SSBP2: variants seen among roughly 807,000 people sequenced by gnomAD.
SSBP2 encodes single-stranded DNA-binding protein 2.
Under a neutral mutation model 61.8 loss-of-function variants are expected in SSBP2, and 17 were observed. The ratio of observed to expected loss-of-function variants is 0.28; its 90% CI spans 0.19 to 0.41. SSBP2 has a LOEUF of 0.41. Among genes scored for constraint, SSBP2 ranks in the 10% least tolerant of loss-of-function variants. The probability of loss-of-function intolerance (pLI) is 1.00; values close to 1 mark genes in which losing one functional copy is unlikely to be tolerated. For missense variants in SSBP2, 310 were observed against 458.7 expected (o/e 0.68, Z 2.96); for synonymous variants, 139 against 141.3 (o/e 0.98, Z 0.12).
chr5:81,460,389 A>C (rs1580740814), intron 10 of SSBP2, among the ~76,000 whole-genome samples: 1 of 152,188 alleles, frequency 6.6e-6, no homozygotes, highest in South Asian at 2.1e-4. Context: ...AAGAAGGAAA[A>C]ACATCTCCAG....
intron 4 of SSBP2, among the ~76,000 whole-genome samples, chr5:81,516,738 G>C (rs1769050576): frequency 6.6e-6 from 1 of 152,002 alleles, no homozygotes; most frequent in Non-Finnish European, 1.5e-5. Context: ...TGCCTAACCT[G>C]CTAATTTATA....
chr5:81,520,264 C>T (rs536305445), intron 4 of SSBP2, among the ~76,000 whole-genome samples: 39 of 152,246 alleles, frequency 2.6e-4, no homozygotes, highest in Non-Finnish European at 4.7e-4. Flanking sequence ...GGATTATAGG[C>T]GTGAGCCACC....
chr5:81,532,459 T>C (rs1375156681), intron 4 of SSBP2, among the ~76,000 whole-genome samples: 1 of 151,048 alleles, frequency 6.6e-6, no homozygotes, highest in Non-Finnish European at 1.5e-5. Flanking sequence ...TACCTAACAG[T>C]AGAGAGAAAA....
chr5:81,439,963 G>T (rs1287719950), intron 14 of SSBP2, among the ~76,000 whole-genome samples: 1 of 151,858 alleles, frequency 6.6e-6, no homozygotes, highest in African/African-American at 2.4e-5. Context: ...GAGCCATGGC[G>T]CCTGGCCTAT....
chr5:81,592,396 T>C (rs1382899707), intron 4 of SSBP2, among the ~76,000 whole-genome samples: 1 of 152,248 alleles, frequency 6.6e-6, no homozygotes, highest in Non-Finnish European at 1.5e-5. Context: ...CCTGCCTCTG[T>C]AGGCTCCACC....
At chr5:81,667,286 TACACACACAC>T (rs71605804) in intron 1 of SSBP2, among the ~76,000 whole-genome samples, 1,570 of 133,806 alleles carry the variant, frequency 0.012, 11 homozygotes, top group Admixed American at 0.02. Context: ...GGGATACAGA[TACACACACAC>T]ACACACACAC....
At chr5:81,598,017 A>T (rs903530127) in intron 4 of SSBP2, among the ~76,000 whole-genome samples, 14 of 151,602 alleles carry the variant, frequency 9.2e-5, no homozygotes, top group African/African-American at 1.2e-4. Context: ...TAATAAAATT[A>T]AAAAATAATA....
chr5:81,440,634 A>C lies in SSBP2; in HGVS notation c.852T>G (p.Phe284Leu), dbSNP rs1184998173. 5.7e-6 allele frequency: 9 copies of C among 1,591,238 alleles called. No individual in the cohort carries two copies. The highest frequency in any genetic ancestry group is 2.7e-5 in the African/African-American group (2 of 73,446). ...GACCATCTGACCCAGGACCCATTGG[A>C]AACTATTTTAAAAATGAAGAAAATC... is the stretch of plus-strand genomic sequence containing the variant. The change falls in exon 14 of 17, where the codon TTT becomes TTG. Residue 284 changes from phenylalanine (F) to leucine (L), a missense_variant and splice_region_variant. Transcript: ENST00000320672.
At chr5:81,476,461 A>G (rs1038291112) in intron 6 of SSBP2, among the ~76,000 whole-genome samples, 4 of 152,172 alleles carry the variant, frequency 2.6e-5, no homozygotes, top group Non-Finnish European at 4.4e-5. Flanking sequence ...CAACAATTTT[A>G]AAGAGAACAG....
At chr5:81,705,706 T>C (rs564550747) in intron 1 of SSBP2, among the ~76,000 whole-genome samples, 2 of 152,300 alleles carry the variant, frequency 1.3e-5, no homozygotes, top group East Asian at 3.9e-4. Flanking sequence ...TATTGCAAAC[T>C]CTAGGAAAAA....
intron 1 of SSBP2, among the ~76,000 whole-genome samples, chr5:81,650,834 C>A (rs1324213517): frequency 6.6e-6 from 1 of 152,096 alleles, no homozygotes; most frequent in East Asian, 1.9e-4. Flanking sequence ...AGCAACTTCT[C>A]CTTATTCTTT....
intron 4 of SSBP2, among the ~76,000 whole-genome samples, chr5:81,560,990 T>A (rs1395085948): frequency 6.6e-6 from 1 of 152,182 alleles, no homozygotes; most frequent in African/African-American, 2.4e-5. Flanking sequence ...AAAGTGCTCA[T>A]GTCCTACTGC....
intron 1 of SSBP2, among the ~76,000 whole-genome samples, chr5:81,670,109 CAA>C (rs1421633680): frequency 1.3e-5 from 2 of 152,008 alleles, no homozygotes; most frequent in Non-Finnish European, 2.9e-5. Flanking sequence ...ATGTGTTTGC[CAA>C]AACTCATAGA....
chr5:81,726,902 G>A (rs1755924724), intron 1 of SSBP2, among the ~76,000 whole-genome samples: 2 of 152,170 alleles, frequency 1.3e-5, no homozygotes, highest in African/African-American at 4.8e-5. Context: ...TTTCCCTGAT[G>A]ACTTCAGCAC....
chr5:81,516,971 C>G lies in SSBP2; in HGVS notation c.283-3254G>C, dbSNP rs1483048138. Among the ~76,000 whole-genome samples the G allele has an allele frequency of 2.0e-5, 3 of 152,076 alleles. No individual in the cohort carries two copies. In the East Asian group the frequency reaches 5.8e-4, roughly 29 times the overall value. On this transcript the variant is annotated intron_variant, in intron 4 of 16. Coordinates refer to ENST00000320672, the MANE Select transcript of SSBP2 (RefSeq NM_012446.5). ...CTGAACCATAAAGCATGTATTATTA[C>G]TCTATGATGTTGTGACAAAAATCAC...
At chr5:81,435,971 T>C (rs1000847889) in intron 15 of SSBP2, among the ~76,000 whole-genome samples, 1 of 152,014 alleles carries the variant, frequency 6.6e-6, no homozygotes, top group Non-Finnish European at 1.5e-5. Flanking sequence ...GTAGATCACA[T>C]GGGGTCAGGA....
chr5:81,592,192 G>A (rs891883350), intron 4 of SSBP2, among the ~76,000 whole-genome samples: 8 of 152,206 alleles, frequency 5.3e-5, no homozygotes, highest in Admixed American at 3.3e-4. Context: ...ATTATATCCC[G>A]CACTTGGCTC....
rs1437340344 is a variant in SSBP2, at chr5:81,750,967, G to A, written c.62+14C>T. 4 of 1,586,320 alleles carry A rather than the reference G, an allele frequency of 2.5e-6. No individual in the cohort carries two copies. Among genetic ancestry groups the A allele is most frequent in the Non-Finnish European group, 2.6e-6 (3 of 1,166,262 alleles). The stretch of plus-strand genomic sequence containing the variant: ...GTGTGAAGGCGGAGGTGGGTGAGAA[G>A]CGGAGACACTTACTTCTCCCGGGCC... On this transcript the variant is annotated intron_variant, in intron 1 of 16. Transcript: ENST00000320672.
intron 1 of SSBP2, among the ~76,000 whole-genome samples, chr5:81,687,972 C>T (rs147562295): frequency 3.3e-5 from 5 of 152,112 alleles, no homozygotes; most frequent in African/African-American, 9.7e-5. Flanking sequence ...ATTGAGAAAA[C>T]GAGAAGGAAG....
Sources: allele counts gnomAD v4.1 joint callset (sites outside exome capture counted in the v4.1 genomes callset), GRCh38; gene constraint gnomAD v4.1.1; transcripts MANE v1.5; gene names NCBI Gene and HGNC (gene_info 2026-07-23, HGNC 2026-07-21).